Variants in OR9Q1 observed in about 807,000 individuals in gnomAD.
OR9Q1 encodes olfactory receptor family 9 subfamily Q member 1, also known as olfactory receptor 9Q1.
For missense variants in OR9Q1, 374 were observed against 378.8 expected (o/e 0.99, Z 0.11); for synonymous variants, 153 against 148.6 (o/e 1.03, Z -0.22).
At chr11:58,142,800 C>G (rs948474322) in intron 2 of OR9Q1, among the ~76,000 whole-genome samples, 1 of 152,158 alleles carries the variant, frequency 6.6e-6, no homozygotes, top group African/African-American at 2.4e-5. Flanking sequence ...AGTGTGCTGG[C>G]TTTGTCTGTT....
chr11:58,137,388 T>C (rs1854199553), intron 2 of OR9Q1, among the ~76,000 whole-genome samples: 1 of 152,156 alleles, frequency 6.6e-6, no homozygotes, highest in Non-Finnish European at 1.5e-5. Context: ...ATGAGACCCC[T>C]GAGCATCTCT....
chr11:58,037,107 C>A (rs564100368), intron 1 of OR9Q1, among the ~76,000 whole-genome samples: 2 of 152,310 alleles, frequency 1.3e-5, no homozygotes, highest in South Asian at 4.1e-4. Flanking sequence ...TCATCAGCAA[C>A]CACCACCCTG....
At position 58,146,664 on chromosome 11, in the gene OR9Q1, G is replaced by A. The variant is rs564321569; in HGVS notation, c.-14-32767G>A. ...CAGGGTGTTATTATGCTATATAATA[G>A]GGTTCCAGCCTAATTTGGTGTGGTC... On this transcript the variant is annotated intron_variant, in intron 2 of 2. Coordinates refer to ENST00000335397, the MANE Select transcript of OR9Q1 (RefSeq NM_001005212.4). 3.3e-5 allele frequency among the ~76,000 whole-genome samples: 5 copies of A among 152,246 alleles called. No individual in the cohort carries two copies. In the East Asian group the frequency reaches 5.8e-4, roughly 18 times the overall value.
chr11:58,029,451 C>T (rs1441410160), intron 1 of OR9Q1, among the ~76,000 whole-genome samples: 1 of 152,190 alleles, frequency 6.6e-6, no homozygotes, highest in Non-Finnish European at 1.5e-5. Context: ...TAAGCAGTCA[C>T]AGAACCCAGA....
At chr11:58,074,864 T>A (rs1259010133) in intron 2 of OR9Q1, among the ~76,000 whole-genome samples, 1 of 152,210 alleles carries the variant, frequency 6.6e-6, no homozygotes, top group African/African-American at 2.4e-5. Context: ...TAATGGGGAA[T>A]CCTTTCTCCA....
In OR9Q1 at chr11:58,156,110, G is replaced by A. The variant is rs114313262; in HGVS notation, c.-14-23321G>A. The stretch of plus-strand genomic sequence containing the variant: ...GTACTTTTAGTAGATGTGGGGTTTT[G>A]CCATGTTGGCCAGACCAGTTTTGAA... On this transcript the variant is annotated intron_variant, in intron 2 of 2. Coordinates refer to ENST00000335397, the MANE Select transcript of OR9Q1 (RefSeq NM_001005212.4). Among the ~76,000 whole-genome samples the A allele has an allele frequency of 6.9e-3, 1,047 of 152,044 alleles. 10 individuals are homozygous for A. The highest frequency in any genetic ancestry group is 0.019 in the African/African-American group (770 of 41,462).
chr11:58,092,441 A>T (rs1291873054), intron 2 of OR9Q1, among the ~76,000 whole-genome samples: 1 of 152,064 alleles, frequency 6.6e-6, no homozygotes, highest in Non-Finnish European at 1.5e-5. Flanking sequence ...AAGACATAAT[A>T]ATATATATTT....
intron 2 of OR9Q1, among the ~76,000 whole-genome samples, chr11:58,138,671 T>C (rs1323784005): frequency 6.6e-6 from 1 of 152,338 alleles, no homozygotes; most frequent in East Asian, 1.9e-4. Context: ...ACAAAACTTG[T>C]ATATATTTAT....
intron 2 of OR9Q1, chr11:58,119,046 G>A (rs1278236174): frequency 3.1e-6 from 5 of 1,613,956 alleles, no homozygotes; most frequent in East Asian, 4.5e-5. Context: ...TCATGGCCAC[G>A]GTATAGAGCA....
chr11:58,136,262 G>T (rs1284375096), intron 2 of OR9Q1, among the ~76,000 whole-genome samples: 2 of 152,180 alleles, frequency 1.3e-5, no homozygotes, highest in Non-Finnish European at 2.9e-5. Context: ...ATAACAGATT[G>T]CTGAGAATGT....
intron 2 of OR9Q1, among the ~76,000 whole-genome samples, chr11:58,056,162 TG>T (rs1220123930): frequency 6.6e-6 from 1 of 152,236 alleles, no homozygotes; most frequent in African/African-American, 2.4e-5. Context: ...TGGTGTTTGC[TG>T]ATTTCCCTGG....
At position 58,180,078 on chromosome 11, in the gene OR9Q1, G is replaced by A. The variant is rs1854648349; in HGVS notation, c.634G>A (p.Val212Met). The change falls in exon 3 of 3, where the codon GTG becomes ATG. Residue 212 changes from valine (V) to methionine (M), a missense_variant. Physicochemically the swap from Val to Met is conservative, Grantham distance 21 (BLOSUM62 1). Coordinates refer to ENST00000335397, the MANE Select transcript of OR9Q1 (RefSeq NM_001005212.4). Reference sequence around the variant, plus strand: ...CATTTTTGTCATCCCTGCTTCCATGGTGGTGATCTTGGTGTCCTACCTGTT... The same window carrying A: ...CATTTTTGTCATCCCTGCTTCCATGATGGTGATCTTGGTGTCCTACCTGTT... ...FAIFVIPASM[V>M]VILVSYLFII... 1.9e-6 allele frequency: 3 copies of A among 1,614,158 alleles called. No individual in the cohort carries two copies. Among genetic ancestry groups the A allele is most frequent in the Non-Finnish European group, 2.5e-6 (3 of 1,180,026 alleles).
At chr11:58,036,090 A>G (rs190474936) in intron 1 of OR9Q1, among the ~76,000 whole-genome samples, 3 of 152,106 alleles carry the variant, frequency 2.0e-5, no homozygotes, top group East Asian at 3.9e-4. Context: ...TACTGTTATT[A>G]TTATATGTGT....
intron 2 of OR9Q1, among the ~76,000 whole-genome samples, chr11:58,093,123 G>A (rs568727714): frequency 6.6e-6 from 1 of 152,088 alleles, no homozygotes; most frequent in Admixed American, 6.5e-5. Flanking sequence ...ATCATAACTT[G>A]TTTAGATGCA....
intron 2 of OR9Q1, among the ~76,000 whole-genome samples, chr11:58,129,935 A>G (rs1854125310): frequency 2.0e-5 from 3 of 147,956 alleles, no homozygotes; most frequent in African/African-American, 7.5e-5. Context: ...TTTTTGTTTT[A>G]CTTTAAGTTC....
chr11:58,116,443 AGTT>A (rs1853955514), intron 2 of OR9Q1, among the ~76,000 whole-genome samples: 1 of 152,210 alleles, frequency 6.6e-6, no homozygotes, highest in African/African-American at 2.4e-5. Flanking sequence ...TGTTTTATAA[AGTT>A]GTTAAACCCA....
At chr11:58,137,500 CA>C (rs972541077) in intron 2 of OR9Q1, among the ~76,000 whole-genome samples, 1 of 152,048 alleles carries the variant, frequency 6.6e-6, no homozygotes, top group Non-Finnish European at 1.5e-5. Flanking sequence ...GGTCATTTGC[CA>C]AAAAATTTAT....
rs997386441 is a variant in OR9Q1, at chr11:58,168,591, GTTT to G, written c.-14-10831_-14-10829del. Among the ~76,000 whole-genome samples the G allele has an allele frequency of 7.3e-5, 11 of 151,672 alleles. No homozygotes were observed. In the South Asian group the frequency reaches 1.7e-3, roughly 23 times the overall value. On this transcript the variant is annotated intron_variant, in intron 2 of 2. Coordinates refer to ENST00000335397, the MANE Select transcript of OR9Q1 (RefSeq NM_001005212.4). ...TCAATTCTAGTGGCATTTATTTGTT[GTTT>G]TTTTTTTTCCAATGCCTCTTTTTTT...
intron 1 of OR9Q1, among the ~76,000 whole-genome samples, chr11:58,048,307 A>G (rs1332762835): frequency 6.6e-6 from 1 of 152,106 alleles, no homozygotes; most frequent in African/African-American, 2.4e-5. Context: ...CCCTGATTTG[A>G]TCATTACATA....
Sources: gnomAD v4.1 joint callset for allele counts (sites outside exome capture counted in the v4.1 genomes callset) on GRCh38, gnomAD v4.1.1 for gene constraint, MANE v1.5 for transcripts, NCBI Gene and HGNC (gene_info 2026-07-23, HGNC 2026-07-21) for gene names.